Variants in DZIP1 observed in about 807,000 individuals in gnomAD.
The protein encoded by DZIP1 is cilium assembly protein DZIP1.
In DZIP1, 97 loss-of-function variants were observed where a neutral mutation model predicts 107.6. That is an observed-to-expected ratio of 0.90 (90% CI 0.77 to 1.07). The LOEUF (loss-of-function observed/expected upper bound fraction) is 1.07. DZIP1 is among the 50% of genes least tolerant of loss of function. DZIP1 has a pLI of 0.00. For synonymous variants in DZIP1, 390 were observed against 386.4 expected, an observed-to-expected ratio of 1.01 and a Z score of -0.11; for missense variants, 1,035 against 1,063.6, an observed-to-expected ratio of 0.97 and a Z score of 0.37.
At position 95,641,705 on chromosome 13, in the gene DZIP1, G is replaced by T; in HGVS notation, c.187C>A (p.Arg63=). ...GPLPFFQFRP[R]LESVDWRRLS... is the part of the protein sequence containing the mutation. ...CGCCGCCAGTCCACACTCTCCAGCCGCGGCCTGAACTGGAAGAAGGGCAGG... is the reference window on the plus strand; with the variant it reads ...CGCCGCCAGTCCACACTCTCCAGCCTCGGCCTGAACTGGAAGAAGGGCAGG... Residue 63 remains arginine (R), a synonymous_variant, in exon 5 of 23, where the codon CGG becomes AGG. Coordinates refer to ENST00000376829, the MANE Select transcript of DZIP1 (RefSeq NM_198968.4). This position sits in a 1 kb window ranked among gnomAD's most constrained non-coding sequence, Gnocchi z 4.3. 1 of 1,602,474 alleles carries T rather than the reference G, an allele frequency of 6.2e-7. No homozygotes were observed.
Position 95,578,651 on chromosome 13 carries a change from T to G in DZIP1, c.*3583A>C, listed in dbSNP as rs772351243. ...ACATGCCCATGGCCACTCAGTAGATTGTTGAAAAAGCAAAGCCACACCATT... is the reference window on the plus strand; with the variant it reads ...ACATGCCCATGGCCACTCAGTAGATGGTTGAAAAAGCAAAGCCACACCATT... On this transcript the variant is annotated 3_prime_UTR_variant, in exon 23 of 23. Coordinates refer to ENST00000376829, the MANE Select transcript of DZIP1 (RefSeq NM_198968.4). The G allele has an allele frequency of 6.6e-6, 1 of 152,230 alleles. No individual in the cohort carries two copies. Among genetic ancestry groups the G allele is most frequent in the Non-Finnish European group, 1.5e-5 (1 of 68,050 alleles). 9.4% of individuals were successfully genotyped at this position (152,230 alleles called of 1,614,324 possible).
rs1162200590 is a variant in DZIP1 at position 95,642,044 on chromosome 13, G to A, written c.-15C>T. 6.4e-7 allele frequency: 1 copy of A among 1,563,764 alleles called. No homozygotes were observed. Among genetic ancestry groups the A allele is most frequent in the Middle Eastern group, 2.3e-4 (1 of 4,274 alleles). ...TCAGCTTGCATAGGAGGAGCCGGGC[G>A]GTCTTTACCCAGCCTGGGCCGCCTC... On this transcript the variant is annotated 5_prime_UTR_variant, in exon 4 of 23. Transcript: ENST00000376829.
At chr13:95,642,832 CT>C (rs1438359343) in intron 3 of DZIP1, among the ~76,000 whole-genome samples, 3 of 149,640 alleles carry the variant, frequency 2.0e-5, no homozygotes, top group Non-Finnish European at 4.5e-5. Context: ...ACCCAAGTTG[CT>C]TTTTAAATGG....
At chr13:95,637,225 T>C (rs543246914) in intron 5 of DZIP1, 34 of 152,158 alleles carry the variant, frequency 2.2e-4, no homozygotes, top group African/African-American at 7.7e-4. Flanking sequence ...AATGGAGATG[T>C]TGAGGTGAAA....
Position 95,590,182 on chromosome 13 carries a change from A to C in DZIP1, c.1843+97T>G, listed in dbSNP as rs946265517. On this transcript the variant is annotated intron_variant, in intron 17 of 22. Transcript: ENST00000376829. ...CGAAGTTTGTTAACCATTTAAAATT[A>C]TAATAATTTGTTTAATGATATCTTG... is the stretch of plus-strand genomic sequence containing the variant. 6.0e-5 allele frequency: 74 copies of C among 1,239,228 alleles called. No individual in the cohort carries two copies. The African/African-American group carries it at 9.5e-4, about 16-fold the overall frequency. The allele number at this position is 1,239,228 out of a possible 1,614,324, so 76.8% of individuals were successfully genotyped here. A position where few individuals can be genotyped will look rare whatever the true frequency, so the allele number is the denominator to read the frequency against.
intron 14 of DZIP1, among the ~76,000 whole-genome samples, chr13:95,602,847 G>T (rs1338673954): frequency 2.0e-5 from 3 of 152,190 alleles, no homozygotes. Flanking sequence ...TGGGCCAGTG[G>T]TGTCCAGAGG....
chr13:95,582,940 C>T (rs1334017242), intron 22 of DZIP1, among the ~76,000 whole-genome samples: 1 of 152,118 alleles, frequency 6.6e-6, no homozygotes, highest in Non-Finnish European at 1.5e-5. Flanking sequence ...GCCAACAGGT[C>T]TCCTGGTTTT....
At chr13:95,621,682 GT>G (rs1197738479) in intron 9 of DZIP1, among the ~76,000 whole-genome samples, 1 of 148,034 alleles carries the variant, frequency 6.8e-6, no homozygotes, top group Non-Finnish European at 1.5e-5. Context: ...GTGTGTGTGT[GT>G]GTGTGTGTGT....
chr13:95,637,652 A>G (rs1201554620), intron 5 of DZIP1, among the ~76,000 whole-genome samples: 3 of 150,932 alleles, frequency 2.0e-5, no homozygotes, highest in Non-Finnish European at 4.4e-5. Context: ...CTCTCCAAAC[A>G]CAGAAAAGGC....
rs558272679 is a variant in DZIP1 at position 95,630,222 on chromosome 13, GGATAC to G, written c.686-114_686-110del. 486 of 1,352,022 alleles carry G rather than the reference GGATAC, an allele frequency of 3.6e-4. 1 individual carries two copies. The African/African-American group carries it at 6.7e-3, about 19-fold the overall frequency. The allele number at this position is 1,352,022 out of a possible 1,614,324, so 83.8% of individuals were successfully genotyped here. On this transcript the variant is annotated intron_variant, in intron 6 of 22. Transcript: ENST00000376829. ...ACGAAGGAAACTGTCCTCTTACTTG[GGATAC>G]GATTACTTGTTTCATGCCACATGAG...
At chr13:95,587,778 G>A (rs753549694) in intron 19 of DZIP1, 49 bp from the exon 20 acceptor site, 2 of 1,559,976 alleles carry the variant, frequency 1.3e-6, no homozygotes, top group South Asian at 2.4e-5. Context: ...TAACGCTTTA[G>A]GATTTATAAT....
chr13:95,603,848 T>A (rs144431926), intron 14 of DZIP1, among the ~76,000 whole-genome samples: 2 of 152,182 alleles, frequency 1.3e-5, no homozygotes, highest in African/African-American at 4.8e-5. Context: ...CAGGGAGCCA[T>A]CAGGGTTCCC....
chr13:95,618,617 CCA>C (rs1458019711), intron 10 of DZIP1, among the ~76,000 whole-genome samples: 15 of 151,952 alleles, frequency 9.9e-5, no homozygotes, highest in Admixed American at 9.8e-4. Flanking sequence ...AGTATTGTTC[CCA>C]GTTTCTTTTT....
At position 95,589,545 on chromosome 13, in the gene DZIP1, C is replaced by T. The variant is rs113809060; in HGVS notation, c.1973+258G>A. Among the ~76,000 whole-genome samples the T allele has an allele frequency of 7.4e-3, 1,127 of 152,258 alleles. 9 individuals carry two copies. Among genetic ancestry groups the T allele is most frequent in the Non-Finnish European group, 0.013 (858 of 68,002 alleles). The stretch of plus-strand genomic sequence containing the variant: ...GGGGGCCCCCATGATGGGATTGGTG[C>T]CTTATAAGAAGAGGAAGCGATGTAT... On this transcript the variant is annotated intron_variant, in intron 18 of 22. Transcript: ENST00000376829.
Position 95,624,790 on chromosome 13 carries a change from G to T in DZIP1, c.950C>A (p.Ser317Ter), listed in dbSNP as rs765762974. The change falls in exon 8 of 23, where the codon TCG becomes TAG. Residue 317 changes from serine (S) to a stop codon, truncating the protein, a stop_gained. Transcript: ENST00000376829. LOFTEE classifies it high-confidence loss of function. ...MFMKEFKELT[S>*]KNSALEYQLS... is the part of the protein sequence containing the mutation. ...TACATATTCTAATGCTGAATTCTTC[G>T]AAGTTAATTCTTTAAATTCCTTCAT... 19 of 1,603,032 alleles carry T rather than the reference G, an allele frequency of 1.2e-5. No homozygotes were observed. Among genetic ancestry groups the T allele is most frequent in the Non-Finnish European group, 1.5e-5 (18 of 1,172,728 alleles).
intron 6 of DZIP1, 146 bp from the exon 7 acceptor site, chr13:95,630,259 T>C (rs1178776393): frequency 9.7e-7 from 1 of 1,029,772 alleles, no homozygotes; most frequent in Non-Finnish European, 1.4e-6. Context: ...TGAGCCAATT[T>C]TTGCTCTTTA....
rs1019354088 is a variant in DZIP1 at position 95,604,943 on chromosome 13, A to G, written c.1477+1060T>C. Among the ~76,000 whole-genome samples, 4 of 152,228 alleles carry G rather than the reference A, an allele frequency of 2.6e-5. No homozygotes were observed. The East Asian group carries it at 7.7e-4, about 29-fold the overall frequency. On this transcript the variant is annotated intron_variant, in intron 14 of 22. Transcript: ENST00000376829. ...TATGTCCAGTGTGCTTTTATCTGTT[A>G]CTGGTCTAAAGGAAAAAACTGCATG...
intron 8 of DZIP1, 81 bp from the exon 9 acceptor site, chr13:95,622,561 G>C (rs913710428): frequency 2.6e-6 from 4 of 1,549,624 alleles, no homozygotes; most frequent in South Asian, 1.1e-5. Context: ...GGAGCACATA[G>C]CTGTGTTTTA....
At chr13:95,591,023 T>TA (rs1278888452) in intron 16 of DZIP1, among the ~76,000 whole-genome samples, 1 of 131,788 alleles carries the variant, frequency 7.6e-6, no homozygotes, top group African/African-American at 2.9e-5. Context: ...AGGTGACTTC[T>TA]TTTTTTTTTT....
Sources: allele counts gnomAD v4.1 joint callset (sites outside exome capture counted in the v4.1 genomes callset), GRCh38; gene constraint gnomAD v4.1.1; non-coding constraint Gnocchi (gnomAD v3.1); transcripts MANE v1.5; gene names NCBI Gene and HGNC (gene_info 2026-07-23, HGNC 2026-07-21).